IL21: variants seen among roughly 807,000 people sequenced by gnomAD.
The protein encoded by IL21 is interleukin-21.
Under a neutral mutation model 18.4 loss-of-function variants are expected in IL21, and 3 were observed. That is an observed-to-expected ratio of 0.16 (90% CI 0.07 to 0.42). IL21 has a LOEUF of 0.42. IL21 is among the 10% of genes least tolerant of loss of function. The probability of loss-of-function intolerance (pLI) is 0.99; values close to 1 mark genes in which losing one functional copy is unlikely to be tolerated. For synonymous variants in IL21, 37 were observed against 62.0 expected (o/e 0.60, Z 1.90); for missense variants, 130 against 188.4 (o/e 0.69, Z 1.81).
In IL21 at chr4:122,612,582, C is replaced by A; in HGVS notation, c.*128G>T. The A allele has an allele frequency of 1.5e-6, 1 of 660,042 alleles. No individual in the cohort carries two copies. 40.9% of individuals were successfully genotyped at this position (660,042 alleles called of 1,614,324 possible). On this transcript the variant is annotated 3_prime_UTR_variant, in exon 5 of 5. Transcript: ENST00000648588. ...AGTGATTATGGGGAAATAATCCTGA[C>A]TTTGCACACTTATGAGTTTTTTTTT...
rs1204962470 is a variant in IL21, at chr4:122,611,939, C to T, written c.*771G>A. Among the ~76,000 whole-genome samples the T allele has an allele frequency of 6.6e-6, 1 of 152,026 alleles. No individual in the cohort carries two copies. The highest frequency in any genetic ancestry group is 6.6e-5 in the Admixed American group (1 of 15,258). ...AACTATGTTTGGTTCCAGAAGACAA[C>T]CTGGCATATGTCCCTCTATAGGTTT... On this transcript the variant is annotated 3_prime_UTR_variant, in exon 5 of 5. Transcript: ENST00000648588.
chr4:122,614,475 G>A (rs887338165), intron 3 of IL21, among the ~76,000 whole-genome samples: 8 of 152,128 alleles, frequency 5.3e-5, no homozygotes, highest in African/African-American at 1.7e-4. Context: ...GGGAGGCCGA[G>A]GCGGGCAGAT....
intron 2 of IL21, among the ~76,000 whole-genome samples, chr4:122,618,311 A>G (rs1799369010): frequency 6.7e-6 from 1 of 150,310 alleles, no homozygotes; most frequent in Admixed American, 6.6e-5. Context: ...TAGAAACAGG[A>G]TGTCTCACTA....
chr4:122,620,583 A>C (rs929304582), intron 2 of IL21, 118 bp downstream of exon 2: 3 of 837,294 alleles, frequency 3.6e-6, no homozygotes, highest in African/African-American at 1.7e-5. Flanking sequence ...ATCAATTATT[A>C]GACCGCTAAG....
At chr4:122,614,558 T>C (rs1206609204) in intron 3 of IL21, among the ~76,000 whole-genome samples, 1 of 151,852 alleles carries the variant, frequency 6.6e-6, no homozygotes. Flanking sequence ...AATACAAAAA[T>C]TAGCCAGGCG....
In IL21 at chr4:122,615,817, A is replaced by G; in HGVS notation, c.225T>C (p.Ala75=). Residue 75 remains alanine, a synonymous_variant, in exon 3 of 5, where the codon GCT becomes GCC. Transcript: ENST00000648588. ...EDVETNCEWS[A]FSCFQKAQLK... is the part of the protein sequence containing the mutation. The stretch of plus-strand genomic sequence containing the variant: ...GTTGGGCCTTCTGAAAGCAGGAAAA[A>G]GCTGACCACTCACAGTTTGTCTGAA... 1.2e-6 allele frequency: 2 copies of G among 1,611,442 alleles called. No individual in the cohort carries two copies. The highest frequency in any genetic ancestry group is 1.1e-5 in the South Asian group (1 of 90,710).
At chr4:122,614,084 A>G (rs1799302490) in intron 3 of IL21, among the ~76,000 whole-genome samples, 1 of 152,206 alleles carries the variant, frequency 6.6e-6, no homozygotes, top group Non-Finnish European at 1.5e-5. Context: ...GCATTTCACT[A>G]AAAGATAGTA....
chr4:122,617,016 A>C (rs1799346370), intron 2 of IL21, among the ~76,000 whole-genome samples: 1 of 152,200 alleles, frequency 6.6e-6, no homozygotes. Flanking sequence ...TGAACACAGC[A>C]TCTGGCCTGC....
In IL21 at chr4:122,613,285, T is replaced by C. The variant is rs181279160; in HGVS notation, c.361-357A>G. ...CTTCAAAAATATGACATGTAGTGGTTGTTCTGTATTCCAACATAGGATGCA... is the reference window on the plus strand; with the variant it reads ...CTTCAAAAATATGACATGTAGTGGTCGTTCTGTATTCCAACATAGGATGCA... On this transcript the variant is annotated intron_variant, in intron 3 of 4. Coordinates refer to ENST00000648588, the MANE Select transcript of IL21 (RefSeq NM_021803.4). 6.6e-5 allele frequency among the ~76,000 whole-genome samples: 10 copies of C among 152,064 alleles called. No individual in the cohort carries two copies. In the East Asian group the frequency reaches 1.7e-3, roughly 26 times the overall value.
intron 3 of IL21, among the ~76,000 whole-genome samples, chr4:122,615,322 C>G (rs553658064): frequency 1.1e-3 from 162 of 152,272 alleles, no homozygotes; most frequent in African/African-American, 3.8e-3. Context: ...GAGATCGAGA[C>G]CATCCTGGCT....
At chr4:122,618,192 A>G (rs1160892547) in intron 2 of IL21, among the ~76,000 whole-genome samples, 1 of 152,206 alleles carries the variant, frequency 6.6e-6, no homozygotes, top group East Asian at 1.9e-4. Context: ...TCTTCAGCTG[A>G]AGAACAAGTC....
At chr4:122,618,016 A>G (rs1799363856) in intron 2 of IL21, among the ~76,000 whole-genome samples, 1 of 152,194 alleles carries the variant, frequency 6.6e-6, no homozygotes, top group African/African-American at 2.4e-5. Context: ...AAGCATGAAC[A>G]TTGCTTTCCT....
chr4:122,618,739 G>C (rs1018714571), intron 2 of IL21, among the ~76,000 whole-genome samples: 1 of 140,262 alleles, frequency 7.1e-6, no homozygotes, highest in East Asian at 2.2e-4. Flanking sequence ...CTGGGAGGCA[G>C]AGGTTGCAGT....
rs1578434463 is a variant in IL21 at position 122,612,264 on chromosome 4, A to G, written c.*446T>C. ...TAAACACTCAGTTTTCATTTCCTTAAAAGAATAAAGATGTCAACTTTTCAT... is the reference window on the plus strand; with the variant it reads ...TAAACACTCAGTTTTCATTTCCTTAGAAGAATAAAGATGTCAACTTTTCAT... On this transcript the variant is annotated 3_prime_UTR_variant, in exon 5 of 5. Transcript: ENST00000648588. 6.6e-6 allele frequency among the ~76,000 whole-genome samples: 1 copy of G among 151,990 alleles called. No individual in the cohort carries two copies. Among genetic ancestry groups the G allele is most frequent in the Admixed American group, 6.6e-5 (1 of 15,242 alleles).
chr4:122,613,614 A>C (rs1799295204), intron 3 of IL21, among the ~76,000 whole-genome samples: 1 of 152,258 alleles, frequency 6.6e-6, no homozygotes, highest in Middle Eastern at 3.4e-3. Context: ...GGCCTCCCAA[A>C]GTGCTGGGAA....
Position 122,615,706 on chromosome 4 carries a change from T to G in IL21, c.336A>C (p.Ala112=). The change falls in exon 3 of 5, where the codon GCA becomes GCC. Residue 112 remains alanine (A), a synonymous_variant. Transcript: ENST00000648588. ...KLKRKPPSTN[A]GRRQKHRLTC... ...CTAGTCTGTGTTTCTGTCTTCTCCC[T>G]GCATTTGTGGAAGGTGGTTTCCTCT... is the stretch of plus-strand genomic sequence containing the variant. 1 of 1,613,164 alleles carries G rather than the reference T, an allele frequency of 6.2e-7. No individual in the cohort carries two copies.
intron 3 of IL21, among the ~76,000 whole-genome samples, chr4:122,613,347 CT>C (rs34061725): frequency 0.022 from 2,115 of 94,952 alleles, 17 homozygotes; most frequent in African/African-American, 0.057. Flanking sequence ...TTGCATCTAA[CT>C]TTTTTTTTTT....
At chr4:122,618,734 A>T (rs979867675) in intron 2 of IL21, among the ~76,000 whole-genome samples, 4 of 134,070 alleles carry the variant, frequency 3.0e-5, no homozygotes, top group Admixed American at 8.9e-5. Flanking sequence ...TGAACCTGGG[A>T]GGCAGAGGTT....
In IL21 at chr4:122,620,940, G is replaced by A. The variant is rs745756996; in HGVS notation, c.72C>T (p.Val24=). 1.2e-6 allele frequency: 2 copies of A among 1,613,876 alleles called. No homozygotes were observed. Among genetic ancestry groups the A allele is most frequent in the Non-Finnish European group, 1.7e-6 (2 of 1,179,876 alleles). ...CTTGACCTTGGGAGCTTGATTTGTG[G>A]ACCAGTGTCCCCAAGAAGATGACCA... The part of the protein sequence containing the change: ...CLMVIFLGTL[V]HKSSSQGQDR... The change falls in exon 1 of 5, where the codon GTC becomes GTT. Residue 24 remains valine (V), a synonymous_variant. Transcript: ENST00000648588.
Sources: allele counts gnomAD v4.1 joint callset (sites outside exome capture counted in the v4.1 genomes callset), GRCh38; gene constraint gnomAD v4.1.1; transcripts MANE v1.5; gene names NCBI Gene and HGNC (gene_info 2026-07-23, HGNC 2026-07-21).